Variants in HSPA12A observed in about 807,000 individuals in gnomAD.
HSPA12A encodes heat shock protein family A (Hsp70) member 12A.
Under a neutral mutation model 69.2 loss-of-function variants are expected in HSPA12A, and 28 were observed. The observed-to-expected ratio is 0.40, with a 90% CI of 0.30 to 0.55. HSPA12A has a LOEUF of 0.55. HSPA12A is among the 20% of genes least tolerant of loss of function. The pLI, the probability that HSPA12A is intolerant of heterozygous loss-of-function variation, is 0.38. For missense variants in HSPA12A, 686 were observed against 900.7 expected, an observed-to-expected ratio of 0.76 and a Z score of 3.05; for synonymous variants, 345 against 370.5, an observed-to-expected ratio of 0.93 and a Z score of 0.79.
intron 6 of HSPA12A, among the ~76,000 whole-genome samples, chr10:116,685,816 AT>A (rs534183469): frequency 5.9e-5 from 9 of 152,178 alleles, no homozygotes; most frequent in Non-Finnish European, 7.3e-5. Flanking sequence ...GTGACTGAAC[AT>A]CTTCACTCTG....
intron 6 of HSPA12A, among the ~76,000 whole-genome samples, chr10:116,687,608 C>G (rs1192376234): frequency 6.6e-6 from 1 of 152,198 alleles, no homozygotes; most frequent in African/African-American, 2.4e-5. Flanking sequence ...TCTCTCTGGG[C>G]AGGAGGACTC....
intron 1 of HSPA12A, among the ~76,000 whole-genome samples, chr10:116,836,768 A>AACACACACACACAC (rs75862523): frequency 5.5e-4 from 80 of 146,602 alleles, no homozygotes; most frequent in Non-Finnish European, 9.4e-4. Context: ...AAACGAACCG[A>AACACACACACACAC]ACACACACAC....
intron 2 of HSPA12A, among the ~76,000 whole-genome samples, chr10:116,785,304 G>A (rs1206921335): frequency 6.6e-6 from 1 of 151,992 alleles, no homozygotes; most frequent in African/African-American, 2.4e-5. Context: ...GTTCGGGAAC[G>A]TTCTGGCCAC....
intron 2 of HSPA12A, among the ~76,000 whole-genome samples, chr10:116,771,340 G>T (rs563784727): frequency 6.6e-6 from 1 of 152,048 alleles, no homozygotes; most frequent in East Asian, 1.9e-4. Context: ...GGGAGGGGAG[G>T]ACAGGGGCCC....
chr10:116,700,841 G>A (rs1850057783), intron 4 of HSPA12A, 102 bp downstream of exon 4: 1 of 1,080,686 alleles, frequency 9.3e-7, no homozygotes, highest in South Asian at 1.5e-5. Context: ...AGAGACCAGA[G>A]GGCCCCCTGG....
intron 1 of HSPA12A, among the ~76,000 whole-genome samples, chr10:116,725,287 C>T (rs573435385): frequency 4.6e-4 from 70 of 152,298 alleles, no homozygotes; most frequent in Non-Finnish European, 6.0e-4. Context: ...GACAGAAATC[C>T]TGCCACCCTG....
At chr10:116,714,059 A>G (rs1554883484) in intron 1 of HSPA12A, among the ~76,000 whole-genome samples, 1 of 139,238 alleles carries the variant, frequency 7.2e-6, no homozygotes, top group Admixed American at 7.0e-5. Flanking sequence ...GGGTGGATGG[A>G]TGGATAGGTG....
chr10:116,699,321 G>A (rs1381404953), intron 4 of HSPA12A, among the ~76,000 whole-genome samples: 1 of 152,206 alleles, frequency 6.6e-6, no homozygotes, highest in African/African-American at 2.4e-5. Flanking sequence ...GAAAGCAGCT[G>A]CTGAGTGTGG....
intron 2 of HSPA12A, among the ~76,000 whole-genome samples, chr10:116,765,367 T>C (rs1430515047): frequency 6.6e-6 from 1 of 151,644 alleles, no homozygotes; most frequent in African/African-American, 2.4e-5. Flanking sequence ...TGAAACATCA[T>C]ATAGTGGCAG....
At chr10:116,761,184 TACTAAA>T (rs1843962503) in intron 2 of HSPA12A, among the ~76,000 whole-genome samples, 1 of 152,120 alleles carries the variant, frequency 6.6e-6, no homozygotes, top group African/African-American at 2.4e-5. Context: ...ACTCTGTCTC[TACTAAA>T]AATACAAACA....
chr10:116,713,992 TTGGATGGATGGATGGATGGATAGA>T (rs1850525931), intron 1 of HSPA12A, among the ~76,000 whole-genome samples: 2 of 151,266 alleles, frequency 1.3e-5, no homozygotes, highest in Admixed American at 6.6e-5. Flanking sequence ...GCACTCAATG[TTGGATGGATGGATGGATGGATAGA>T]TGGATGGATG....
chr10:116,777,428 G>T (rs1844363092), intron 2 of HSPA12A, among the ~76,000 whole-genome samples: 1 of 152,246 alleles, frequency 6.6e-6, no homozygotes, highest in African/African-American at 2.4e-5. Context: ...CAGAGCAGCT[G>T]CTGCTGGCCT....
chr10:116,849,114 GCTCA>G (rs762068623), intron 1 of HSPA12A, among the ~76,000 whole-genome samples: 1 of 152,200 alleles, frequency 6.6e-6, no homozygotes, highest in African/African-American at 2.4e-5. Flanking sequence ...ACCCGGAGGA[GCTCA>G]CTAACAGCAG....
chr10:116,717,021 A>T (rs782594377), intron 1 of HSPA12A, among the ~76,000 whole-genome samples: 1 of 152,208 alleles, frequency 6.6e-6, no homozygotes, highest in Non-Finnish European at 1.5e-5. Context: ...CCAGCACTCT[A>T]TTGGGAAACC....
intron 2 of HSPA12A, among the ~76,000 whole-genome samples, chr10:116,809,212 G>A (rs1366657798): frequency 6.6e-6 from 1 of 152,096 alleles, no homozygotes; most frequent in Non-Finnish European, 1.5e-5. Context: ...TGTTGATGAG[G>A]CACAGTTACT....
At chr10:116,784,834 C>G (rs1163898884) in intron 2 of HSPA12A, among the ~76,000 whole-genome samples, 2 of 152,144 alleles carry the variant, frequency 1.3e-5, no homozygotes, top group Non-Finnish European at 2.9e-5. Context: ...GCCTCTCCGT[C>G]TGGGGTTGAG....
chr10:116,731,414 C>T (rs1313492476), intron 1 of HSPA12A, among the ~76,000 whole-genome samples: 1 of 152,192 alleles, frequency 6.6e-6, no homozygotes, highest in African/African-American at 2.4e-5. Flanking sequence ...AGGGAAACCA[C>T]TGCCAGACCG....
chr10:116,839,786 A>ACT (rs1474961973), intron 1 of HSPA12A, among the ~76,000 whole-genome samples: 1 of 152,174 alleles, frequency 6.6e-6, no homozygotes, highest in Non-Finnish European at 1.5e-5. Flanking sequence ...CATGATCGTA[A>ACT]ACATAGTAAT....
intron 2 of HSPA12A, among the ~76,000 whole-genome samples, chr10:116,758,186 G>A (rs1300236480): frequency 3.9e-5 from 6 of 152,282 alleles, no homozygotes; most frequent in East Asian, 1.9e-4. Flanking sequence ...AGCCTTCAGC[G>A]AAGGTACCTT....
Sources: gnomAD v4.1 joint callset for allele counts (sites outside exome capture counted in the v4.1 genomes callset) on GRCh38, gnomAD v4.1.1 for gene constraint, MANE v1.5 for transcripts, NCBI Gene and HGNC (gene_info 2026-07-23, HGNC 2026-07-21) for gene names.